The following ZNF654 variants were observed in gnomAD, a reference collection of about 807,000 sequenced individuals.
ZNF654 encodes the protein melanoma-associated antigen.
Under a neutral mutation model 95.3 loss-of-function variants are expected in ZNF654, and 19 were observed. That is an observed-to-expected ratio of 0.20 (90% CI 0.14 to 0.29). The LOEUF is 0.29. Ranked by LOEUF, ZNF654 falls within the 10% of genes least tolerant of loss-of-function variation. The probability of loss-of-function intolerance (pLI) is 1.00; values close to 1 mark genes in which losing one functional copy is unlikely to be tolerated. For synonymous variants in ZNF654, 413 were observed against 457.9 expected (o/e 0.90, Z 1.25); for missense variants, 1,046 against 1,341.0 (o/e 0.78, Z 3.44).
intron 1 of ZNF654, among the ~76,000 whole-genome samples, chr3:88,062,626 C>G (rs530255975): frequency 1.3e-5 from 2 of 152,170 alleles, no homozygotes; most frequent in East Asian, 3.9e-4. Context: ...TGATTGTAAA[C>G]TAAGGAAGTT....
At chr3:88,078,488 A>T (rs1707926458) in intron 1 of ZNF654, among the ~76,000 whole-genome samples, 1 of 152,178 alleles carries the variant, frequency 6.6e-6, no homozygotes, top group African/African-American at 2.4e-5. Flanking sequence ...GAAGATACAA[A>T]TAACTGAAGA....
chr3:88,119,416 T>G (rs1705630652), intron 3 of ZNF654, among the ~76,000 whole-genome samples: 2 of 104,872 alleles, frequency 1.9e-5, no homozygotes, highest in Admixed American at 9.9e-5. Context: ...GGGGGAGGGA[T>G]AGCATTGGGA....
Position 88,139,639 on chromosome 3 carries a change from A to G in ZNF654, c.1970A>G (p.His657Arg), listed in dbSNP as rs145744097. Residue 657 changes from histidine (H) to arginine (R), a missense_variant, in exon 8 of 9, where the codon CAT becomes CGT. This residue lies in a region of ZNF654 where 495 missense variants were observed against 537.0 expected (regional missense o/e 0.92). Transcript: ENST00000636215. Reference sequence around the variant, plus strand: ...GGAAACAAAGAAGTCATCCCTGAGCATGTGGCTGAATTCATTGAAATTCCC... The same window carrying G: ...GGAAACAAAGAAGTCATCCCTGAGCGTGTGGCTGAATTCATTGAAATTCCC... ...SEGNKEVIPE[H>R]VAEFIEIPIS... 1.1e-5 allele frequency: 17 copies of G among 1,613,008 alleles called. No individual in the cohort carries two copies. The East Asian group carries it at 2.7e-4, about 25-fold the overall frequency.
rs111839491 is a variant in ZNF654, at chr3:88,082,463, A to G, written c.187-3794A>G. On this transcript the variant is annotated intron_variant, in intron 1 of 8. Coordinates refer to ENST00000636215, the MANE Select transcript of ZNF654 (RefSeq NM_001350134.2). Reference sequence around the variant, plus strand: ...TTAAAAGTGGCTGGATTCGCTGTAAACAAATGATGAACTTAATATTAGTGA... The same window carrying G: ...TTAAAAGTGGCTGGATTCGCTGTAAGCAAATGATGAACTTAATATTAGTGA... Among the ~76,000 whole-genome samples the G allele has an allele frequency of 1.3e-3, 205 of 152,340 alleles. 1 individual carries two copies. The highest frequency in any genetic ancestry group is 4.8e-3 in the African/African-American group (200 of 41,562).
chr3:88,112,931 C>T (rs1167776799), intron 2 of ZNF654, among the ~76,000 whole-genome samples, 184 bp from the exon 3 acceptor site: 2 of 151,896 alleles, frequency 1.3e-5, no homozygotes, highest in Non-Finnish European at 2.9e-5. Flanking sequence ...TTGTATTTTC[C>T]TTGAAGGCAC....
At chr3:88,107,539 C>T (rs1461196524) in intron 2 of ZNF654, among the ~76,000 whole-genome samples, 5 of 152,000 alleles carry the variant, frequency 3.3e-5, no homozygotes, top group South Asian at 2.1e-4. Flanking sequence ...TTGGATTTTT[C>T]GTCAGTTGCG....
At chr3:88,068,405 TAGAC>T (rs929688979) in intron 1 of ZNF654, among the ~76,000 whole-genome samples, 7 of 152,164 alleles carry the variant, frequency 4.6e-5, no homozygotes, top group East Asian at 1.9e-4. Flanking sequence ...TACATATTAA[TAGAC>T]AGGTGCACAA....
intron 8 of ZNF654, among the ~76,000 whole-genome samples, 181 bp downstream of exon 8, chr3:88,141,229 G>A (rs1310346474): frequency 6.6e-6 from 1 of 152,062 alleles, no homozygotes; most frequent in Non-Finnish European, 1.5e-5. Flanking sequence ...TAATATTCCT[G>A]TTTTATAGAT....
At chr3:88,079,158 T>A (rs1213044145) in intron 1 of ZNF654, among the ~76,000 whole-genome samples, 1 of 152,092 alleles carries the variant, frequency 6.6e-6, no homozygotes, top group Non-Finnish European at 1.5e-5. Flanking sequence ...CAGGCTACAT[T>A]AATATTATCA....
intron 1 of ZNF654, among the ~76,000 whole-genome samples, chr3:88,067,418 C>T (rs1184413379): frequency 3.3e-5 from 5 of 152,208 alleles, no homozygotes; most frequent in Middle Eastern, 6.8e-3. Context: ...TTATCATAGC[C>T]GTGTGGATGG....
intron 1 of ZNF654, among the ~76,000 whole-genome samples, chr3:88,067,515 G>C (rs116061313): frequency 6.6e-6 from 1 of 152,182 alleles, no homozygotes; most frequent in Non-Finnish European, 1.5e-5. Context: ...AGCTTGAGGA[G>C]CCTCAAAATT....
intron 1 of ZNF654, among the ~76,000 whole-genome samples, chr3:88,061,831 A>T (rs1706902598): frequency 6.6e-6 from 1 of 152,194 alleles, no homozygotes; most frequent in Non-Finnish European, 1.5e-5. Flanking sequence ...CTTAATCGTG[A>T]GTAATGCAAT....
chr3:88,135,193 C>T lies in ZNF654; in HGVS notation c.1026C>T (p.Ile342=), dbSNP rs1367230325. The T allele has an allele frequency of 2.0e-6, 3 of 1,482,864 alleles. No homozygotes were observed. The highest frequency in any genetic ancestry group is 4.7e-5 in the Admixed American group (2 of 42,878). The allele number at this position is 1,482,864 out of a possible 1,614,324, so 91.9% of individuals were successfully genotyped here. A position where few individuals can be genotyped will look rare whatever the true frequency, so the allele number is the denominator to read the frequency against. ...TCATATTTCCTTTCATGAAAATCATCAAAGATGAGGTAAATAGGATATATT... is the reference window on the plus strand; with the variant it reads ...TCATATTTCCTTTCATGAAAATCATTAAAGATGAGGTAAATAGGATATATT... ...VRVIFPFMKI[I]KDEVEEEGLQ... Residue 342 remains isoleucine, a synonymous_variant, in exon 7 of 9, where the codon ATC becomes ATT. Coordinates refer to ENST00000636215, the MANE Select transcript of ZNF654 (RefSeq NM_001350134.2).
rs780101740 is a variant in ZNF654, at chr3:88,140,156, G to A, written c.2487G>A (p.Pro829=). The A allele has an allele frequency of 1.4e-5, 22 of 1,613,288 alleles. No individual in the cohort carries two copies. The highest frequency in any genetic ancestry group is 2.7e-5 in the African/African-American group (2 of 74,972). ...HFNCNESFKL[P]FQLAQHTKSH... ...ATTGCAACGAGTCGTTTAAGCTGCC[G>A]TTCCAGCTTGCCCAGCACACAAAAA... is the stretch of plus-strand genomic sequence containing the variant. Residue 829 remains proline (P), a synonymous_variant, in exon 8 of 9, where the codon CCG becomes CCA. Coordinates refer to ENST00000636215, the MANE Select transcript of ZNF654 (RefSeq NM_001350134.2).
chr3:88,069,205 T>C (rs1707367816), intron 1 of ZNF654, among the ~76,000 whole-genome samples: 1 of 152,172 alleles, frequency 6.6e-6, no homozygotes, highest in African/African-American at 2.4e-5. Flanking sequence ...GTAGATTACC[T>C]GAGTCCAGGA....
At chr3:88,078,075 G>A (rs916642807) in intron 1 of ZNF654, among the ~76,000 whole-genome samples, 2 of 152,288 alleles carry the variant, frequency 1.3e-5, no homozygotes. Flanking sequence ...ATATTAGCAA[G>A]TATAATACTC....
chr3:88,065,329 G>A (rs1707133641), intron 1 of ZNF654, among the ~76,000 whole-genome samples: 1 of 152,014 alleles, frequency 6.6e-6, no homozygotes, highest in Admixed American at 6.6e-5. Context: ...TTTCAGAGTT[G>A]AGTTGAACTG....
At chr3:88,059,664 G>C (rs978419489) in intron 1 of ZNF654, among the ~76,000 whole-genome samples, 159 bp downstream of exon 1, 2 of 151,806 alleles carry the variant, frequency 1.3e-5, no homozygotes, top group African/African-American at 4.8e-5. Context: ...TCCGGCTTGG[G>C]GTGGGGGGCG....
At chr3:88,090,522 G>A (rs1270045466) in intron 2 of ZNF654, among the ~76,000 whole-genome samples, 1 of 151,236 alleles carries the variant, frequency 6.6e-6, no homozygotes, top group African/African-American at 2.4e-5. Flanking sequence ...AAAGTTAAAA[G>A]TAAAAAGTTT....
Sources: allele counts gnomAD v4.1 joint callset (sites outside exome capture counted in the v4.1 genomes callset), GRCh38; gene constraint gnomAD v4.1.1; regional missense constraint gnomAD v4.1.1; transcripts MANE v1.5; gene names NCBI Gene and HGNC (gene_info 2026-07-23, HGNC 2026-07-21).